Variants in ROBO2 observed in about 807,000 individuals in gnomAD.
ROBO2 encodes roundabout guidance receptor 2, also known as roundabout homolog 2.
In ROBO2, 53 loss-of-function variants were observed where a neutral mutation model predicts 160.8. The observed-to-expected ratio is 0.33, with a 90% CI of 0.26 to 0.41. The LOEUF is 0.41. ROBO2 is among the 10% of genes least tolerant of loss of function. ROBO2 has a pLI of 1.00. For synonymous variants in ROBO2, 664 were observed against 611.7 expected, an observed-to-expected ratio of 1.09 and a Z score of -1.26; for missense variants, 1,577 against 1,722.4, an observed-to-expected ratio of 0.92 and a Z score of 1.49.
intron 2 of ROBO2, among the ~76,000 whole-genome samples, chr3:77,386,907 A>AT (rs2153494142): frequency 6.6e-6 from 1 of 151,878 alleles, no homozygotes; most frequent in South Asian, 2.1e-4. Context: ...CCAGCCGATA[A>AT]TTTTTTTATA....
intron 2 of ROBO2, among the ~76,000 whole-genome samples, chr3:77,386,719 C>T (rs928590958): frequency 6.7e-6 from 1 of 148,342 alleles, no homozygotes. Flanking sequence ...TCTCGTGCCT[C>T]GGCCTCCGGA....
At chr3:77,461,579 C>T (rs2082246227) in intron 2 of ROBO2, among the ~76,000 whole-genome samples, 1 of 151,100 alleles carries the variant, frequency 6.6e-6, no homozygotes, top group African/African-American at 2.4e-5. Flanking sequence ...TATATTCAAT[C>T]CATATGAAAT....
At chr3:75,907,982 A>C (rs1404920833) in intron 1 of ROBO2, among the ~76,000 whole-genome samples, 4 of 151,950 alleles carry the variant, frequency 2.6e-5, no homozygotes, top group Non-Finnish European at 4.4e-5. Flanking sequence ...TGATTGTAAG[A>C]ATTTACTAAC....
At chr3:77,276,304 C>A (rs2059824693) in intron 2 of ROBO2, among the ~76,000 whole-genome samples, 2 of 151,976 alleles carry the variant, frequency 1.3e-5, no homozygotes, top group Non-Finnish European at 2.9e-5. Flanking sequence ...TTAAAGGAGT[C>A]TTTTCAACAA....
chr3:77,489,913 C>G (rs2085856782), intron 4 of ROBO2, among the ~76,000 whole-genome samples: 1 of 151,992 alleles, frequency 6.6e-6, no homozygotes, highest in Non-Finnish European at 1.5e-5. Flanking sequence ...CTATGGACTT[C>G]TTAGTTTTGT....
chr3:77,511,633 G>C (rs915033045), intron 5 of ROBO2, among the ~76,000 whole-genome samples: 1 of 151,930 alleles, frequency 6.6e-6, no homozygotes, highest in African/African-American at 2.4e-5. Flanking sequence ...CAGTCAGGCC[G>C]AAGAGAGAGC....
intron 2 of ROBO2, among the ~76,000 whole-genome samples, chr3:76,828,369 A>G (rs950192769): frequency 2.0e-5 from 3 of 152,092 alleles, no homozygotes; most frequent in African/African-American, 4.8e-5. Flanking sequence ...ATAATATTTA[A>G]CTCACATTAC....
chr3:76,986,853 C>T (rs1194756489), intron 2 of ROBO2, among the ~76,000 whole-genome samples: 3 of 151,512 alleles, frequency 2.0e-5, no homozygotes, highest in Non-Finnish European at 4.4e-5. Context: ...TTATTAAAAT[C>T]GATAGGGAAT....
intron 2 of ROBO2, among the ~76,000 whole-genome samples, chr3:76,137,763 C>T (rs2071484662): frequency 1.3e-5 from 2 of 151,954 alleles, no homozygotes. Context: ...TCCCCTACCT[C>T]CATCTTCAAA....
At chr3:77,435,072 T>C (rs1410357985) in intron 2 of ROBO2, among the ~76,000 whole-genome samples, 1 of 151,898 alleles carries the variant, frequency 6.6e-6, no homozygotes, top group Non-Finnish European at 1.5e-5. Flanking sequence ...ATGAACCCTA[T>C]CACACAAACT....
intron 2 of ROBO2, among the ~76,000 whole-genome samples, chr3:76,347,465 A>G (rs2074599227): frequency 6.6e-6 from 1 of 152,084 alleles, no homozygotes; most frequent in Admixed American, 6.6e-5. Context: ...TATATATTTA[A>G]GTGTTGCAAA....
At chr3:76,609,962 G>T (rs765554607) in intron 2 of ROBO2, among the ~76,000 whole-genome samples, 2 of 151,968 alleles carry the variant, frequency 1.3e-5, no homozygotes, top group Admixed American at 1.3e-4. Context: ...AATGATTCTG[G>T]GTTTTTGTCC....
chr3:77,029,842 T>C (rs994706462), intron 2 of ROBO2, among the ~76,000 whole-genome samples: 13 of 152,192 alleles, frequency 8.5e-5, no homozygotes, highest in Admixed American at 7.2e-4. Flanking sequence ...TAAATTAATA[T>C]ACATTTTTAA....
chr3:76,662,715 A>G lies in ROBO2; in HGVS notation c.110-435299A>G, dbSNP rs561194930. 2.0e-5 allele frequency among the ~76,000 whole-genome samples: 3 copies of G among 152,288 alleles called. 1 individual carries two copies. The South Asian group carries it at 6.2e-4, about 32-fold the overall frequency. ...AGGGTCAGGAGAGAGAAGGAAATGC[A>G]GTGGATAGAGGAAGAGCTATGTCAG... is the stretch of plus-strand genomic sequence containing the variant. On this transcript the variant is annotated intron_variant, in intron 2 of 26. Coordinates refer to the ROBO2 transcript ENST00000487694.
intron 24 of ROBO2, among the ~76,000 whole-genome samples, chr3:77,641,970 T>A (rs2095356632): frequency 6.6e-6 from 1 of 152,174 alleles, no homozygotes; most frequent in Non-Finnish European, 1.5e-5. Context: ...GGCATTGTCT[T>A]CTCTAGCACC....
At position 76,720,730 on chromosome 3, in the gene ROBO2, C is replaced by T. The variant is rs139570298; in HGVS notation, c.110-377284C>T. On this transcript the variant is annotated intron_variant, in intron 2 of 26. Transcript: ENST00000487694. ...ATGAGGCTAAAAATAATTTCGCTTT[C>T]CAATTAAAATAGAGATTTAGGAGAT... Among the ~76,000 whole-genome samples the T allele has an allele frequency of 5.1e-4, 78 of 152,260 alleles. 1 individual carries two copies. In the East Asian group the frequency reaches 0.014, roughly 27 times the overall value.
At chr3:76,348,388 C>T (rs1459251439) in intron 2 of ROBO2, among the ~76,000 whole-genome samples, 1 of 152,072 alleles carries the variant, frequency 6.6e-6, no homozygotes, top group Non-Finnish European at 1.5e-5. Flanking sequence ...AATAGGGAAA[C>T]ACTGACCTAT....
chr3:77,596,795 CTTT>C (rs35328861), intron 19 of ROBO2, 45 bp downstream of exon 20: 1,670 of 1,394,688 alleles, frequency 1.2e-3, no homozygotes, highest in Admixed American at 2.4e-3. Flanking sequence ...TTCTCTCTCT[CTTT>C]TTTTTTTTTT....
At chr3:76,089,134 C>G (rs2069129311) in intron 2 of ROBO2, among the ~76,000 whole-genome samples, 1 of 151,854 alleles carries the variant, frequency 6.6e-6, no homozygotes. Context: ...AAATCTTACA[C>G]TAAAAGAAAC....
Sources: gnomAD v4.1 joint callset for allele counts (sites outside exome capture counted in the v4.1 genomes callset) on GRCh38, gnomAD v4.1.1 for gene constraint, MANE v1.5 for transcripts, NCBI Gene and HGNC (gene_info 2026-07-23, HGNC 2026-07-21) for gene names.